Variants in TMEM259 observed in about 807,000 individuals in gnomAD.
TMEM259 encodes the protein membralin.
A neutral mutation model predicts 46.7 loss-of-function variants in TMEM259; 26 were observed. The ratio of observed to expected loss-of-function variants is 0.56; its 90% CI spans 0.41 to 0.77. TMEM259 has a LOEUF of 0.77. Ranked by LOEUF, TMEM259 falls within the 30% of genes least tolerant of loss-of-function variation. The pLI is 0.00. For synonymous variants in TMEM259, 494 were observed against 395.1 expected (o/e 1.25, Z -2.97); for missense variants, 930 against 900.5 (o/e 1.03, Z -0.42).
intron 1 of TMEM259, chr19:1,017,144 G>C (rs534771270): frequency 2.5e-6 from 1 of 397,694 alleles, no homozygotes; most frequent in Admixed American, 4.4e-5. Context: ...GGCTCATCCC[G>C]AGTCCCGGGT....
intron 2 of TMEM259, 188 bp from the exon 3 acceptor site, chr19:1,013,528 C>T (rs1403769307): frequency 3.5e-6 from 2 of 576,910 alleles, no homozygotes; most frequent in South Asian, 2.0e-5. Context: ...CCAAGCCTGC[C>T]CTGCTGTGAG....
At position 1,011,900 on chromosome 19, in the gene TMEM259, C is replaced by T; in HGVS notation, c.934G>A (p.Val312Ile). 1.9e-6 allele frequency: 3 copies of T among 1,609,406 alleles called. No individual in the cohort carries two copies. The highest frequency in any genetic ancestry group is 1.7e-4 in the Middle Eastern group (1 of 6,052). ...CGCCCCGAGGCACTCACGAAGATGA[C>T]CATGATGGCGAAGGCGGCCAGGTAG... is the stretch of plus-strand genomic sequence containing the variant. ...TSYLAAFAIM[V>I]IFTLSVSMLL... Residue 312 changes from valine (V) to isoleucine (I), a missense_variant, in exon 6 of 11, where the codon GTC (valine) becomes ATC (isoleucine). Coordinates refer to ENST00000356663, the MANE Select transcript of TMEM259 (RefSeq NM_001033026.2).
At position 1,014,046 on chromosome 19, in the gene TMEM259, C is replaced by T. The variant is rs570497049; in HGVS notation, c.507+146G>A. 142 of 1,043,892 alleles carry T rather than the reference C, an allele frequency of 1.4e-4. 1 individual carries two copies. The South Asian group carries it at 2.0e-3, about 15-fold the overall frequency. The allele number at this position is 1,043,892 out of a possible 1,614,324, so 64.7% of individuals were successfully genotyped here. On this transcript the variant is annotated intron_variant, in intron 2 of 10. Transcript: ENST00000356663. ...GAGCCCCCAGGCCACCAAAAGGCCA[C>T]GGCAGGCAGGGGCGGCCTTGTCTGC...
intron 2 of TMEM259, chr19:1,013,628 CCAAA>C: frequency 2.7e-6 from 1 of 373,522 alleles, no homozygotes; most frequent in East Asian, 5.3e-5. Context: ...GATGCTCTGC[CCAAA>C]CACTCAAACT....
chr19:1,012,618 C>A (rs1278486603), intron 3 of TMEM259, 45 bp from the exon 4 acceptor site: 2 of 1,536,140 alleles, frequency 1.3e-6, no homozygotes, highest in African/African-American at 2.7e-5. Context: ...CCACACACGT[C>A]CCCCGCCCAC....
intron 1 of TMEM259, among the ~76,000 whole-genome samples, chr19:1,019,863 G>A (rs1189032851): frequency 6.6e-6 from 1 of 152,200 alleles, no homozygotes; most frequent in Non-Finnish European, 1.5e-5. Context: ...CAGGACCCCG[G>A]CCAGCTTGTT....
At chr19:1,019,505 G>C (rs1007106817) in intron 1 of TMEM259, among the ~76,000 whole-genome samples, 4 of 152,172 alleles carry the variant, frequency 2.6e-5, no homozygotes, top group South Asian at 2.1e-4. Context: ...GGGCTGCAGG[G>C]AGGAAGGTGG....
intron 1 of TMEM259, among the ~76,000 whole-genome samples, chr19:1,019,966 C>T (rs2039235285): frequency 6.6e-6 from 1 of 152,162 alleles, no homozygotes; most frequent in Non-Finnish European, 1.5e-5. Flanking sequence ...TCCTGCACGG[C>T]TGAGACCTCT....
intron 1 of TMEM259, among the ~76,000 whole-genome samples, chr19:1,018,978 A>C: frequency 2.2e-5 from 3 of 134,958 alleles, no homozygotes; most frequent in Admixed American, 7.5e-5. Context: ...ACAGAGCAAG[A>C]CTCCATCTCA....
intron 2 of TMEM259, 128 bp from the exon 3 acceptor site, chr19:1,013,468 C>T: frequency 1.1e-6 from 1 of 887,270 alleles, no homozygotes; most frequent in Non-Finnish European, 1.7e-6. Context: ...CTGACCAGGC[C>T]AGGGTGGACT....
At position 1,010,206 on chromosome 19, in the gene TMEM259, C is replaced by T. The variant is rs945471331; in HGVS notation, c.*144G>A. 8.7e-6 allele frequency: 7 copies of T among 801,370 alleles called. No individual in the cohort carries two copies. Among genetic ancestry groups the T allele is most frequent in the East Asian group, 3.1e-5 (1 of 31,892 alleles). The allele number at this position is 801,370 out of a possible 1,614,324, so 49.6% of individuals were successfully genotyped here. On this transcript the variant is annotated 3_prime_UTR_variant, in exon 11 of 11. Coordinates refer to ENST00000356663, the MANE Select transcript of TMEM259 (RefSeq NM_001033026.2). ...CACCAGGGGGAGGAAAGCCGCCTTCCGGGCAAACCCCACGAAACCCTGAAA... is the reference window on the plus strand; with the variant it reads ...CACCAGGGGGAGGAAAGCCGCCTTCTGGGCAAACCCCACGAAACCCTGAAA...
rs1488274529 is a variant in TMEM259, at chr19:1,020,402, G to A, written c.225+370C>T. 1.3e-5 allele frequency among the ~76,000 whole-genome samples: 2 copies of A among 152,274 alleles called. No individual in the cohort carries two copies. Among genetic ancestry groups the A allele is most frequent in the Non-Finnish European group, 2.9e-5 (2 of 68,004 alleles). On this transcript the variant is annotated intron_variant, in intron 1 of 10. Transcript: ENST00000356663. The surrounding 1 kb of genome is among the most constrained non-coding windows in gnomAD (Gnocchi z 4.0). ...AAGGGCGGGAGGTGCTACCTCGCAG[G>A]CCAGGACCGGACTCCAAGCCTGGGT...
intron 1 of TMEM259, among the ~76,000 whole-genome samples, chr19:1,015,151 C>T (rs1344547852): frequency 6.6e-6 from 1 of 152,216 alleles, no homozygotes; most frequent in Non-Finnish European, 1.5e-5. Context: ...GGGCCAGCCG[C>T]AGCTGCTGGG....
chr19:1,011,051 G>T, intron 10 of TMEM259, 45 bp downstream of exon 10: 2 of 1,558,842 alleles, frequency 1.3e-6, no homozygotes, highest in Non-Finnish European at 1.7e-6. Context: ...CTCCTGCCTG[G>T]AAAGGCACGG....
chr19:1,010,720 T>C lies in TMEM259; in HGVS notation c.1493A>G (p.Gln498Arg), dbSNP rs1359966719. The part of the protein sequence containing the change: ...APATAPDSAG[Q>R]PPALGPVSPG... Reference sequence around the variant, plus strand: ...CGAGACGGGGCCCAGGGCGGGGGGCTGGCCGGCAGAGTCAGGGGCTGTAGC... The same window carrying C: ...CGAGACGGGGCCCAGGGCGGGGGGCCGGCCGGCAGAGTCAGGGGCTGTAGC... The change falls in exon 11 of 11, where the codon CAG becomes CGG. Residue 498 changes from glutamine to arginine, a missense_variant. Coordinates refer to ENST00000356663, the MANE Select transcript of TMEM259 (RefSeq NM_001033026.2). 3 of 1,528,688 alleles carry C rather than the reference T, an allele frequency of 2.0e-6. No individual in the cohort carries two copies. Among genetic ancestry groups the C allele is most frequent in the Admixed American group, 2.0e-5 (1 of 49,840 alleles). 94.7% of individuals were successfully genotyped at this position (1,528,688 alleles called of 1,614,324 possible).
In TMEM259 at chr19:1,012,062, T is replaced by C. The variant is rs368144549; in HGVS notation, c.841+4A>G. The C allele has an allele frequency of 6.2e-7, 1 of 1,612,124 alleles. No homozygotes were observed. The highest frequency in any genetic ancestry group is 8.5e-7 in the Non-Finnish European group (1 of 1,179,510). On this transcript the variant is annotated splice_donor_region_variant and intron_variant, in intron 5 of 10. Coordinates refer to ENST00000356663, the MANE Select transcript of TMEM259 (RefSeq NM_001033026.2). Reference sequence around the variant, plus strand: ...CGCACCCTCGGCCCCGGGGCATGCCTCACCCTTGTTCTCCTCGTTCTCGGC... The same window carrying C: ...CGCACCCTCGGCCCCGGGGCATGCCCCACCCTTGTTCTCCTCGTTCTCGGC...
intron 2 of TMEM259, chr19:1,013,664 A>G (rs2039012520): frequency 9.8e-6 from 3 of 307,108 alleles, no homozygotes; most frequent in Admixed American, 4.6e-5. Flanking sequence ...CTCTGTGGGA[A>G]CAGGTGGGAC....
chr19:1,011,553 G>A (rs2038923235), intron 8 of TMEM259, 27 bp downstream of exon 8: 2 of 1,541,700 alleles, frequency 1.3e-6, no homozygotes, highest in Non-Finnish European at 1.7e-6. Context: ...GCAGCGCGGG[G>A]CGGGGGAGGC....
At position 1,010,057 on chromosome 19, in the gene TMEM259, C is replaced by T. The variant is rs1395688177; in HGVS notation, c.*293G>A. 1 of 419,764 alleles carries T rather than the reference C, an allele frequency of 2.4e-6. No homozygotes were observed. Among genetic ancestry groups the T allele is most frequent in the Non-Finnish European group, 4.2e-6 (1 of 237,048 alleles). The allele number at this position is 419,764 out of a possible 1,614,324, so 26.0% of individuals were successfully genotyped here. A position where few individuals can be genotyped will look rare whatever the true frequency, so the allele number is the denominator to read the frequency against. Reference sequence around the variant, plus strand: ...CTGCACCATGGGACCCCACTCCATCCTCAGGACGGTTCACTGCAGACCTAC... The same window carrying T: ...CTGCACCATGGGACCCCACTCCATCTTCAGGACGGTTCACTGCAGACCTAC... On this transcript the variant is annotated 3_prime_UTR_variant, in exon 11 of 11. Coordinates refer to ENST00000356663, the MANE Select transcript of TMEM259 (RefSeq NM_001033026.2).
Sources: gnomAD v4.1 joint callset for allele counts (sites outside exome capture counted in the v4.1 genomes callset) on GRCh38, gnomAD v4.1.1 for gene constraint, Gnocchi (gnomAD v3.1) non-coding constraint, MANE v1.5 for transcripts, NCBI Gene and HGNC (gene_info 2026-07-23, HGNC 2026-07-21) for gene names.